The following ASCC1 variants were observed in gnomAD, a reference collection of about 807,000 sequenced individuals.
ASCC1 encodes ASC-1 complex subunit P50.
In ASCC1, 35 loss-of-function variants were observed where a neutral mutation model predicts 46.6. The ratio of observed to expected loss-of-function variants is 0.75; its 90% CI spans 0.57 to 0.99. The LOEUF (loss-of-function observed/expected upper bound fraction) is 0.99. Among genes scored for constraint, ASCC1 ranks in the 50% least tolerant of loss-of-function variants. ASCC1 has a pLI of 0.00. For synonymous variants in ASCC1, 143 were observed against 146.6 expected (o/e 0.98, Z 0.18); for missense variants, 376 against 428.7 (o/e 0.88, Z 1.09).
chr10:72,152,833 T>C lies in ASCC1; in HGVS notation c.746+36A>G, dbSNP rs117206617. On this transcript the variant is annotated intron_variant, in intron 7 of 9. Coordinates refer to ENST00000672957, the MANE Select transcript of ASCC1 (RefSeq NM_001198800.3). Reference sequence around the variant, plus strand: ...ACTTTTGAGGATGCTTTTAGGTACCTCTTGATTGAAACAAAGAAGCATTCC... The same window carrying C: ...ACTTTTGAGGATGCTTTTAGGTACCCCTTGATTGAAACAAAGAAGCATTCC... The C allele has an allele frequency of 1.2e-4, 189 of 1,613,792 alleles. 6 individuals carry two copies. In the East Asian group the frequency reaches 4.2e-3, roughly 36 times the overall value.
intron 7 of ASCC1, among the ~76,000 whole-genome samples, chr10:72,143,885 C>G (rs1847320844): frequency 6.6e-6 from 1 of 151,842 alleles, no homozygotes; most frequent in Admixed American, 6.6e-5. Context: ...TACTTTGAGG[C>G]TGTTCTATTA....
In ASCC1 at chr10:72,196,991, T is replaced by G; in HGVS notation, c.311-2A>C. 1 of 1,613,618 alleles carries G rather than the reference T, an allele frequency of 6.2e-7. No individual in the cohort carries two copies. The highest frequency in any genetic ancestry group is 8.5e-7 in the Non-Finnish European group (1 of 1,180,004). On this transcript the variant is annotated splice_acceptor_variant, in intron 4 of 9. Transcript: ENST00000672957. LOFTEE classifies it high-confidence loss of function. ...CATTTCGATGCTGGCCAGTGATTAC[T>G]GTAAACAAAGAAGAAAGGGTAAACT...
intron 9 of ASCC1, among the ~76,000 whole-genome samples, chr10:72,105,221 G>A (rs150863880): frequency 6.6e-6 from 1 of 152,200 alleles, no homozygotes; most frequent in East Asian, 1.9e-4. Flanking sequence ...CGAGGCAAGG[G>A]TACCACTGAG....
intron 7 of ASCC1, among the ~76,000 whole-genome samples, chr10:72,149,805 G>A (rs1404875241): frequency 6.6e-6 from 1 of 152,182 alleles, no homozygotes; most frequent in Non-Finnish European, 1.5e-5. Flanking sequence ...CCTAGTATGT[G>A]ATCTCCTATA....
chr10:72,124,423 TG>T (rs2132179809), intron 9 of ASCC1, among the ~76,000 whole-genome samples: 1 of 152,348 alleles, frequency 6.6e-6, no homozygotes, highest in Non-Finnish European at 1.5e-5. Flanking sequence ...TCACCTTCTC[TG>T]ATGAGTACAA....
At chr10:72,167,958 A>AT (rs2132786049) in intron 5 of ASCC1, among the ~76,000 whole-genome samples, 1 of 152,266 alleles carries the variant, frequency 6.6e-6, no homozygotes, top group South Asian at 2.1e-4. Flanking sequence ...TGGGAGGCCG[A>AT]GGCAGGGGGA....
At chr10:72,181,674 T>C (rs996458040) in intron 5 of ASCC1, among the ~76,000 whole-genome samples, 11 of 152,008 alleles carry the variant, frequency 7.2e-5, no homozygotes, top group Admixed American at 7.2e-4. Context: ...CTCAGTAACT[T>C]GTGCACCAAT....
intron 9 of ASCC1, among the ~76,000 whole-genome samples, chr10:72,099,118 G>C (rs1257292217): frequency 6.6e-6 from 1 of 152,080 alleles, no homozygotes; most frequent in Admixed American, 6.5e-5. Context: ...AGGATTGGCA[G>C]CCTGTGAGTG....
chr10:72,098,143 G>A lies in ASCC1; in HGVS notation c.958-693C>T, dbSNP rs183467488. On this transcript the variant is annotated intron_variant, in intron 9 of 9. Transcript: ENST00000672957. Reference sequence around the variant, plus strand: ...GTACTTTACAAAAGCTTTCAAAAGTGTGTCAGAGTGAGGGATGAACCATAC... The same window carrying A: ...GTACTTTACAAAAGCTTTCAAAAGTATGTCAGAGTGAGGGATGAACCATAC... 8.1e-4 allele frequency among the ~76,000 whole-genome samples: 124 copies of A among 152,346 alleles called. No homozygotes were observed. In the Middle Eastern group the frequency reaches 0.014, roughly 17 times the overall value.
At chr10:72,205,825 A>G (rs911343753) in intron 3 of ASCC1, among the ~76,000 whole-genome samples, 1 of 151,472 alleles carries the variant, frequency 6.6e-6, no homozygotes, top group African/African-American at 2.4e-5. Context: ...ATTAAATTAA[A>G]TTTGGCTGGG....
At position 72,202,449 on chromosome 10, in the gene ASCC1, C is replaced by G. The variant is rs568098775; in HGVS notation, c.310+978G>C. On this transcript the variant is annotated intron_variant, in intron 4 of 9. Coordinates refer to ENST00000672957, the MANE Select transcript of ASCC1 (RefSeq NM_001198800.3). The stretch of plus-strand genomic sequence containing the variant: ...CACCTCAGCACTCCAGCCTGGGTAA[C>G]ACAGCAAGACTCTGTCTCAAAAAAA... 6.0e-5 allele frequency among the ~76,000 whole-genome samples: 9 copies of G among 149,344 alleles called. No individual in the cohort carries two copies. The South Asian group carries it at 1.7e-3, about 28-fold the overall frequency.
intron 5 of ASCC1, among the ~76,000 whole-genome samples, chr10:72,193,815 C>T (rs1401980243): frequency 1.3e-5 from 2 of 151,300 alleles, no homozygotes; most frequent in African/African-American, 4.9e-5. Context: ...AACTAAAAAG[C>T]TAAATGTAAA....
chr10:72,209,246 G>A (rs1007243586), intron 3 of ASCC1, among the ~76,000 whole-genome samples: 12 of 152,026 alleles, frequency 7.9e-5, no homozygotes, highest in African/African-American at 2.7e-4. Flanking sequence ...CACTTTGGGA[G>A]ACCAAGGTGG....
chr10:72,166,239 TC>T (rs1479791582), intron 5 of ASCC1, among the ~76,000 whole-genome samples: 1 of 152,146 alleles, frequency 6.6e-6, no homozygotes, highest in African/African-American at 2.4e-5. Context: ...AATAAATGGA[TC>T]TAATCACTAA....
At chr10:72,189,830 A>T in intron 5 of ASCC1, 1 of 444,004 alleles carries the variant, frequency 2.3e-6, no homozygotes, top group Non-Finnish European at 4.0e-6. Flanking sequence ...AAAAGAACCA[A>T]AGACATGAAC....
At chr10:72,203,327 C>T in intron 4 of ASCC1, 100 bp downstream of exon 4, 1 of 905,280 alleles carries the variant, frequency 1.1e-6, no homozygotes, top group Non-Finnish European at 1.8e-6. Flanking sequence ...ATAGCTAGAA[C>T]CCCACAGAAA....
At chr10:72,102,778 C>A (rs1475946376) in intron 9 of ASCC1, 1 of 348,334 alleles carries the variant, frequency 2.9e-6, no homozygotes, top group East Asian at 7.8e-5. Flanking sequence ...AGCTCAAGAC[C>A]AGCCTGGCCA....
intron 7 of ASCC1, among the ~76,000 whole-genome samples, chr10:72,151,752 C>A (rs11000192): frequency 0.13 from 19,458 of 146,116 alleles, 3,968 homozygotes; most frequent in African/African-American, 0.44. Context: ...GCAGTGGCAC[C>A]ATCTCGGCTC....
intron 9 of ASCC1, among the ~76,000 whole-genome samples, chr10:72,101,901 A>T (rs76563850): frequency 0.012 from 1,831 of 152,216 alleles, 49 homozygotes; most frequent in African/African-American, 0.042. Context: ...CCATGAATGA[A>T]ACTATAAATG....
Sources: gnomAD v4.1 joint callset for allele counts (sites outside exome capture counted in the v4.1 genomes callset) on GRCh38, gnomAD v4.1.1 for gene constraint, MANE v1.5 for transcripts, NCBI Gene and HGNC (gene_info 2026-07-23, HGNC 2026-07-21) for gene names.